PRKG2: variants seen among roughly 807,000 people sequenced by gnomAD.
PRKG2 encodes the protein cGMP-dependent protein kinase 2.
Under a neutral mutation model 97.2 loss-of-function variants are expected in PRKG2, and 33 were observed. The observed-to-expected ratio is 0.34, with a 90% CI of 0.26 to 0.45. PRKG2 has a LOEUF of 0.45. Among genes scored for constraint, PRKG2 ranks in the 20% least tolerant of loss-of-function variants. PRKG2 has a pLI of 1.00. For synonymous variants in PRKG2, 330 were observed against 321.8 expected, an observed-to-expected ratio of 1.03 and a Z score of -0.27; for missense variants, 638 against 900.0, an observed-to-expected ratio of 0.71 and a Z score of 3.73.
chr4:81,209,449 T>C (rs1367172370), intron 1 of PRKG2, among the ~76,000 whole-genome samples: 1 of 152,136 alleles, frequency 6.6e-6, no homozygotes, highest in African/African-American at 2.4e-5. Flanking sequence ...GGTATGGTGC[T>C]GGCTAAGGTT....
At chr4:81,194,842 C>T (rs554674447) in intron 2 of PRKG2, among the ~76,000 whole-genome samples, 15 of 152,236 alleles carry the variant, frequency 9.9e-5, no homozygotes, top group South Asian at 8.3e-4. Flanking sequence ...GAGGAGTCAG[C>T]GGCAGGGAAA....
intron 1 of PRKG2, among the ~76,000 whole-genome samples, chr4:81,207,690 T>C (rs1001944942): frequency 3.3e-5 from 5 of 152,196 alleles, no homozygotes; most frequent in African/African-American, 1.2e-4. Flanking sequence ...TTGGAAGCTA[T>C]GTAAATCTTT....
chr4:81,209,433 G>A (rs1210229453), intron 1 of PRKG2, among the ~76,000 whole-genome samples: 6 of 152,044 alleles, frequency 3.9e-5, no homozygotes, highest in Non-Finnish European at 7.4e-5. Context: ...TGTCAATATG[G>A]GAGATGGTAT....
chr4:81,216,543 A>T (rs1754278638), upstream of PRKG2, among the ~76,000 whole-genome samples: 1 of 152,200 alleles, frequency 6.6e-6, no homozygotes, highest in Admixed American at 6.5e-5. Context: ...CTTTAAAAAA[A>T]AATTTCAGAT....
rs770087958 is a variant in PRKG2, at chr4:81,110,548, G to C, written c.1840C>G (p.Pro614Ala). Residue 614 changes from proline (P) to alanine (A), a missense_variant, in exon 15 of 19, where the codon CCA (proline) becomes GCA (alanine). This residue lies in a region of PRKG2 where 304 missense variants were observed against 460.5 expected (regional missense o/e 0.66). Coordinates refer to ENST00000264399, the MANE Select transcript of PRKG2 (RefSeq NM_006259.3). The stretch of plus-strand genomic sequence containing the variant: ...ATGACTTCAGGAGCTACATATTCTG[G>C]AGTCCCACAGAATGTCCATGTTTTC... Reference protein sequence around the residue: ...GQKTWTFCGTPEYVAPEVILN... With the variant: ...GQKTWTFCGTAEYVAPEVILN... 1.2e-6 allele frequency: 2 copies of C among 1,613,622 alleles called. No individual in the cohort carries two copies. Among genetic ancestry groups the C allele is most frequent in the Non-Finnish European group, 1.7e-6 (2 of 1,179,698 alleles).
At chr4:81,216,419 A>G (rs573806130), upstream of PRKG2, among the ~76,000 whole-genome samples, 1 of 152,310 alleles carries the variant, frequency 6.6e-6, no homozygotes, top group Non-Finnish European at 1.5e-5. Flanking sequence ...CCACAAGAAA[A>G]GAGAAAATAA....
At chr4:81,136,666 A>G (rs1253803003) in intron 13 of PRKG2, among the ~76,000 whole-genome samples, 1 of 151,836 alleles carries the variant, frequency 6.6e-6, no homozygotes, top group Non-Finnish European at 1.5e-5. Flanking sequence ...TCCTTCCTCT[A>G]TCATCACATT....
At chr4:81,132,984 C>T (rs1746324241) in intron 14 of PRKG2, among the ~76,000 whole-genome samples, 1 of 152,044 alleles carries the variant, frequency 6.6e-6, no homozygotes, top group Admixed American at 6.6e-5. Flanking sequence ...CTCATACATT[C>T]ATGTTTTTTA....
chr4:81,202,762 A>G (rs576905692), intron 2 of PRKG2, among the ~76,000 whole-genome samples: 17 of 152,124 alleles, frequency 1.1e-4, no homozygotes, highest in South Asian at 2.1e-4. Flanking sequence ...AGCAGAGCTA[A>G]TAATTTATCC....
intron 2 of PRKG2, among the ~76,000 whole-genome samples, chr4:81,186,119 G>C (rs1751860833): frequency 6.6e-6 from 1 of 152,100 alleles, no homozygotes; most frequent in Admixed American, 6.5e-5. Flanking sequence ...GGACCAAGCA[G>C]ACCTAACAGA....
chr4:81,153,978 C>T (rs1392582670), intron 6 of PRKG2: 4 of 283,392 alleles, frequency 1.4e-5, no homozygotes, highest in Non-Finnish European at 2.7e-5. Context: ...TCAGGGAGTT[C>T]CCTTTCCTAG....
Position 81,088,073 on chromosome 4 carries a change from G to T in PRKG2, c.*1635C>A, listed in dbSNP as rs1282623979. On this transcript the variant is annotated 3_prime_UTR_variant, in exon 19 of 19. Coordinates refer to ENST00000264399, the MANE Select transcript of PRKG2 (RefSeq NM_006259.3). ...TTAAAAACTCTTAGAAATTCTTTAA[G>T]CAGGTTATGTCAATCCTATTAAAAA... is the stretch of plus-strand genomic sequence containing the variant. The T allele has an allele frequency of 6.6e-6, 1 of 151,976 alleles. No individual in the cohort carries two copies. The allele number at this position is 151,976 out of a possible 1,614,324, so 9.4% of individuals were successfully genotyped here. A position where few individuals can be genotyped will look rare whatever the true frequency, so the allele number is the denominator to read the frequency against.
intron 14 of PRKG2, among the ~76,000 whole-genome samples, chr4:81,132,873 A>G (rs1450264298): frequency 6.6e-6 from 1 of 151,710 alleles, no homozygotes; most frequent in African/African-American, 2.4e-5. Flanking sequence ...AGATGTATTT[A>G]TTTTATAGTC....
At chr4:81,152,091 G>A (rs1437149944) in intron 7 of PRKG2, 37 bp from the exon 8 acceptor site, 4 of 1,467,774 alleles carry the variant, frequency 2.7e-6, no homozygotes, top group African/African-American at 1.4e-5. Flanking sequence ...GAAAGAGACT[G>A]AAGAAAAAGG....
At chr4:81,099,338 G>A (rs1315759916) in intron 17 of PRKG2, among the ~76,000 whole-genome samples, 2 of 152,064 alleles carry the variant, frequency 1.3e-5, no homozygotes, top group African/African-American at 4.8e-5. Context: ...ACCGAATCCA[G>A]CAGCACATCA....
intron 6 of PRKG2, among the ~76,000 whole-genome samples, chr4:81,154,415 G>T (rs1278405529): frequency 6.6e-6 from 1 of 151,506 alleles, no homozygotes. Flanking sequence ...GCACGCAGCT[G>T]GAGATCTGAG....
intron 17 of PRKG2, among the ~76,000 whole-genome samples, chr4:81,092,706 A>C (rs534865747): frequency 6.6e-6 from 1 of 152,288 alleles, no homozygotes; most frequent in Non-Finnish European, 1.5e-5. Flanking sequence ...TTAGATGTCT[A>C]ATAGGCATCT....
Position 81,087,702 on chromosome 4 carries a change from G to C in PRKG2, c.*2006C>G, listed in dbSNP as rs1318478844. Reference sequence around the variant, plus strand: ...TAAATCACTTTCCCAGAGTCACTCAGTTAGGAAATGGTGGAGTTGGGATTA... The same window carrying C: ...TAAATCACTTTCCCAGAGTCACTCACTTAGGAAATGGTGGAGTTGGGATTA... On this transcript the variant is annotated 3_prime_UTR_variant, in exon 19 of 19. Coordinates refer to ENST00000264399, the MANE Select transcript of PRKG2 (RefSeq NM_006259.3). 6.6e-6 allele frequency: 1 copy of C among 152,082 alleles called. No individual in the cohort carries two copies. Among genetic ancestry groups the C allele is most frequent in the Non-Finnish European group, 1.5e-5 (1 of 67,958 alleles). 9.4% of individuals were successfully genotyped at this position (152,082 alleles called of 1,614,324 possible). A position where few individuals can be genotyped will look rare whatever the true frequency, so the allele number is the denominator to read the frequency against.
intron 1 of PRKG2, among the ~76,000 whole-genome samples, chr4:81,214,282 T>G (rs965541904): frequency 3.9e-5 from 6 of 151,998 alleles, no homozygotes; most frequent in African/African-American, 1.5e-4. Context: ...TAATTCTGCA[T>G]GCGTTGCTTT....
Sources: allele counts gnomAD v4.1 joint callset (sites outside exome capture counted in the v4.1 genomes callset), GRCh38; gene constraint gnomAD v4.1.1; regional missense constraint gnomAD v4.1.1; transcripts MANE v1.5; gene names NCBI Gene and HGNC (gene_info 2026-07-23, HGNC 2026-07-21).